The following SHPK variants were observed in gnomAD, a reference collection of about 807,000 sequenced individuals.
SHPK encodes the protein sedoheptulokinase, also known as carbohydrate kinase-like protein.
A neutral mutation model predicts 46.3 loss-of-function variants in SHPK; 51 were observed. The ratio of observed to expected loss-of-function variants is 1.10; its 90% CI spans 0.88 to 1.39. The LOEUF is 1.39. SHPK is among the 40% of genes most tolerant of loss of function. SHPK has a pLI of 0.00. For synonymous variants in SHPK, 290 were observed against 273.9 expected, an observed-to-expected ratio of 1.06 and a Z score of -0.58; for missense variants, 668 against 641.3, an observed-to-expected ratio of 1.04 and a Z score of -0.45.
chr17:3,624,356 C>T (rs553240875), intron 2 of SHPK, 125 bp from the exon 3 acceptor site: 3 of 869,344 alleles, frequency 3.5e-6, no homozygotes, highest in Middle Eastern at 3.1e-4. Flanking sequence ...AAGCCTGGCA[C>T]ACCTATGGGT....
At chr17:3,619,989 G>T in intron 5 of SHPK, 1 of 202,326 alleles carries the variant, frequency 4.9e-6, no homozygotes, top group South Asian at 7.6e-5. Context: ...CATGACACAT[G>T]AAAATTATGT....
At chr17:3,616,042 T>A (rs2075369872) in intron 5 of SHPK, among the ~76,000 whole-genome samples, 1 of 151,950 alleles carries the variant, frequency 6.6e-6, no homozygotes, top group Non-Finnish European at 1.5e-5. Flanking sequence ...TTAGTAGAGA[T>A]GGGGTTTCAC....
chr17:3,616,930 G>A (rs2075374170), intron 5 of SHPK, among the ~76,000 whole-genome samples: 1 of 152,086 alleles, frequency 6.6e-6, no homozygotes. Context: ...TTAGAGGTGG[G>A]GTTTCACCAT....
chr17:3,630,338 C>A lies in SHPK; in HGVS notation c.177G>T (p.Glu59Asp). 1.2e-6 allele frequency: 2 copies of A among 1,608,594 alleles called. No individual in the cohort carries two copies. Among genetic ancestry groups the A allele is most frequent in the Middle Eastern group, 1.7e-4 (1 of 6,032 alleles). The change falls in exon 2 of 7, where the codon GAG becomes GAT. Residue 59 changes from glutamate (E) to aspartate (D), a missense_variant. Physicochemically the swap from Glu to Asp is conservative, Grantham distance 45. Transcript: ENST00000225519. ...CTTGGAGGATTCTACTCACATCCTG[C>A]TCCCGCCCCTGGAAGCAAAAGAGAA... ...ESAVAGPQGR[E>D]QDVSRILQAL...
At chr17:3,622,518 A>G (rs1166982317) in intron 4 of SHPK, 9 of 904,170 alleles carry the variant, frequency 1.0e-5, no homozygotes, top group Middle Eastern at 5.7e-4. Context: ...TGTCAACTTC[A>G]CACAACATGC....
chr17:3,622,495 G>C, intron 4 of SHPK: 1 of 698,860 alleles, frequency 1.4e-6, no homozygotes, highest in Non-Finnish European at 1.8e-6. Context: ...CTCAGGGTTA[G>C]TGAATGGGAA....
At chr17:3,624,290 G>T in intron 2 of SHPK, 59 bp from the exon 3 acceptor site, 1 of 1,488,952 alleles carries the variant, frequency 6.7e-7, no homozygotes. Flanking sequence ...GCATGGCGCG[G>T]CCTTGATACT....
Position 3,610,642 on chromosome 17 carries a change from A to T in SHPK, c.1355T>A (p.Met452Lys). The change falls in exon 7 of 7, where the codon ATG (methionine) becomes AAG (lysine). Residue 452 changes from methionine to lysine, a missense_variant. Physicochemically the swap from Met to Lys is moderately conservative, Grantham distance 95. Coordinates refer to ENST00000225519, the MANE Select transcript of SHPK (RefSeq NM_013276.4). ...QEVQRAFPLP[M>K]SFGQDVDAAV... Reference sequence around the variant, plus strand: ...TGCATCCACATCCTGCCCAAAGGACATGGGCAAAGGGAAAGCCCTCTGCAC... The same window carrying T: ...TGCATCCACATCCTGCCCAAAGGACTTGGGCAAAGGGAAAGCCCTCTGCAC... The T allele has an allele frequency of 6.2e-7, 1 of 1,613,970 alleles. No homozygotes were observed. The highest frequency in any genetic ancestry group is 8.5e-7 in the Non-Finnish European group (1 of 1,179,942).
intron 6 of SHPK, among the ~76,000 whole-genome samples, chr17:3,613,465 T>C (rs564728007): frequency 2.0e-5 from 3 of 152,206 alleles, no homozygotes; most frequent in African/African-American, 7.2e-5. Flanking sequence ...GCATCTCGGG[T>C]TCAAGTGACT....
At chr17:3,635,202 G>GAAGA (rs879382597) in intron 1 of SHPK, among the ~76,000 whole-genome samples, 25,175 of 119,314 alleles carry the variant, frequency 0.21, 3,356 homozygotes, top group East Asian at 0.42. Flanking sequence ...ATGAAGGAAG[G>GAAGA]AAGGAAGGAA....
In SHPK at chr17:3,624,115, G is replaced by A. The variant is rs1359633443; in HGVS notation, c.427C>T (p.Pro143Ser). 3 of 1,614,022 alleles carry A rather than the reference G, an allele frequency of 1.9e-6. No homozygotes were observed. In the Admixed American group the frequency reaches 5.0e-5, roughly 27 times the overall value. Residue 143 changes from proline to serine, a missense_variant, in exon 3 of 7, where the codon CCG becomes TCG. Pro to Ser is a moderately conservative substitution (Grantham distance 74). Coordinates refer to ENST00000225519, the MANE Select transcript of SHPK (RefSeq NM_013276.4). ...GTGGCCACACTGAGATGAGACTTCG[G>A]CTGGGGCAGAGAGGCCAGGAATTCG... The part of the protein sequence containing the change: ...SSEFLASLPQ[P>S]KSHLSVATGF...
intron 4 of SHPK, among the ~76,000 whole-genome samples, chr17:3,621,934 C>T (rs920646529): frequency 7.2e-5 from 11 of 151,770 alleles, no homozygotes; most frequent in Admixed American, 2.0e-4. Context: ...ATTACAGGCG[C>T]GACCCACCAC....
chr17:3,619,310 C>G, intron 5 of SHPK: 2 of 983,896 alleles, frequency 2.0e-6, no homozygotes, highest in South Asian at 2.7e-5. Flanking sequence ...CTCTTTTGAT[C>G]AGTCCACCAC....
intron 6 of SHPK, among the ~76,000 whole-genome samples, chr17:3,611,974 T>G (rs12937991): frequency 2.0e-5 from 3 of 151,704 alleles, no homozygotes; most frequent in African/African-American, 7.3e-5. Context: ...TGGCTAATTG[T>G]GGTATTTTTA....
intron 5 of SHPK, among the ~76,000 whole-genome samples, chr17:3,618,635 C>A (rs1464785470): frequency 6.6e-6 from 1 of 152,008 alleles, no homozygotes; most frequent in Non-Finnish European, 1.5e-5. Flanking sequence ...CAAAAATTAG[C>A]TGGGTGTGGT....
At chr17:3,613,781 C>T (rs2075356367) in intron 6 of SHPK, among the ~76,000 whole-genome samples, 1 of 151,822 alleles carries the variant, frequency 6.6e-6, no homozygotes, top group African/African-American at 2.4e-5. Flanking sequence ...TGGACTTGAA[C>T]AACTCTGAGC....
Position 3,610,988 on chromosome 17 carries a change from A to G in SHPK, c.1025-16T>C, listed in dbSNP as rs768434073. On this transcript the variant is annotated splice_polypyrimidine_tract_variant and intron_variant, in intron 6 of 6. Transcript: ENST00000225519. The stretch of plus-strand genomic sequence containing the variant: ...ACCTCCAGGCCTGCCAGAGACAGAG[A>G]AGATCTGTGTAAGCTCATGCGTCCC... 1.9e-6 allele frequency: 3 copies of G among 1,593,114 alleles called. No homozygotes were observed. Among genetic ancestry groups the G allele is most frequent in the Non-Finnish European group, 2.6e-6 (3 of 1,166,730 alleles).
chr17:3,611,798 G>T (rs1474355934), intron 6 of SHPK, among the ~76,000 whole-genome samples: 1 of 92,122 alleles, frequency 1.1e-5, no homozygotes, highest in Non-Finnish European at 2.0e-5. Flanking sequence ...AGCTCTGCGG[G>T]TTTTTTTTTT....
intron 3 of SHPK, among the ~76,000 whole-genome samples, chr17:3,623,697 G>C (rs907597685): frequency 6.6e-6 from 1 of 152,178 alleles, no homozygotes; most frequent in African/African-American, 2.4e-5. Flanking sequence ...AGCCCCAGGG[G>C]AAGGGCCTGA....
Sources: gnomAD v4.1 joint callset for allele counts (sites outside exome capture counted in the v4.1 genomes callset) on GRCh38, gnomAD v4.1.1 for gene constraint, MANE v1.5 for transcripts, NCBI Gene and HGNC (gene_info 2026-07-23, HGNC 2026-07-21) for gene names.